NRAP: variants seen among roughly 807,000 people sequenced by gnomAD.
The protein encoded by NRAP is nebulin related anchoring protein, also known as nebulin-related-anchoring protein.
Under a neutral mutation model 225.9 loss-of-function variants are expected in NRAP, and 189 were observed. That is an observed-to-expected ratio of 0.84 (90% CI 0.74 to 0.94). The LOEUF (loss-of-function observed/expected upper bound fraction) is 0.94, where lower values mean the gene tolerates loss of function less well. Among genes scored for constraint, NRAP ranks in the 40% least tolerant of loss-of-function variants. NRAP has a pLI of 0.00. For synonymous variants in NRAP, 769 were observed against 790.7 expected, an observed-to-expected ratio of 0.97 and a Z score of 0.46; for missense variants, 2,176 against 2,168.7, an observed-to-expected ratio of 1.00 and a Z score of -0.07.
rs747699713 is a variant in NRAP at position 113,629,757 on chromosome 10, C to T, written c.1871G>A (p.Ser624Asn). 6.2e-7 allele frequency: 1 copy of T among 1,613,762 alleles called. No homozygotes were observed. The highest frequency in any genetic ancestry group is 1.3e-5 in the African/African-American group (1 of 74,920). Reference protein sequence around the residue: ...EVEYKKGFEESKTRFHLPMDM... With the variant: ...EVEYKKGFEENKTRFHLPMDM... Reference sequence around the variant, plus strand: ...CATGGGCAGGTGAAACCGGGTCTTACTCTCTTCAAAGCCTTTCTTATATTC... The same window carrying T: ...CATGGGCAGGTGAAACCGGGTCTTATTCTCTTCAAAGCCTTTCTTATATTC... The change falls in exon 19 of 42, where the codon AGT (serine) becomes AAT (asparagine). Residue 624 changes from serine (S) to asparagine (N), a missense_variant. Around this residue, in one of 3 missense-constraint regions of NRAP, gnomAD observed 1,708 missense variants for 1,695.5 expected, o/e 1.01. Transcript: ENST00000359988.
chr10:113,653,715 T>C (rs1850130308), intron 5 of NRAP, among the ~76,000 whole-genome samples: 1 of 152,148 alleles, frequency 6.6e-6, no homozygotes, highest in Non-Finnish European at 1.5e-5. Context: ...GTCAGTACTT[T>C]AAAATGGGCC....
intron 25 of NRAP, among the ~76,000 whole-genome samples, chr10:113,618,117 G>A (rs1289355064): frequency 5.4e-5 from 8 of 148,046 alleles, no homozygotes; most frequent in African/African-American, 2.0e-4. Context: ...TTATTCAAAG[G>A]AGTCATCACA....
chr10:113,621,901 A>G lies in NRAP; in HGVS notation c.2737T>C (p.Trp913Arg), dbSNP rs146405624. Residue 913 changes from tryptophan to arginine, a missense_variant, in exon 24 of 42, where the codon TGG becomes CGG. Physicochemically the swap from Trp to Arg is moderately radical, Grantham distance 101. Coordinates refer to ENST00000359988, the MANE Select transcript of NRAP (RefSeq NM_198060.4). ...TGTAAGCCATAAGCCTTCTTGGCCC[A>G]TTCCACCTTCATGTCTGTGGGCAAA... The part of the protein sequence containing the change: ...TALPTDMKVE[W>R]AKKAYGLQSD... 5 of 1,613,300 alleles carry G rather than the reference A, an allele frequency of 3.1e-6. No individual in the cohort carries two copies. The African/African-American group carries it at 6.7e-5, about 22-fold the overall frequency.
At position 113,612,258 on chromosome 10, in the gene NRAP, C is replaced by G. The variant is rs1847376837; in HGVS notation, c.3474G>C (p.Lys1158Asn). The G allele has an allele frequency of 6.2e-7, 1 of 1,614,028 alleles. No individual in the cohort carries two copies. The highest frequency in any genetic ancestry group is 1.7e-5 in the Admixed American group (1 of 60,008). The stretch of plus-strand genomic sequence containing the variant: ...CCTCACTCTGCAATTTGTGAGCTTT[C>G]TTGGCACAGCTCAGCCTCAGGTCTT... ...LAEDLRLSCA[K>N]KAHKLQSENL... is the part of the protein sequence containing the mutation. Residue 1158 changes from lysine to asparagine, a missense_variant, in exon 30 of 42, where the codon AAG becomes AAC. This residue lies in a region of NRAP where 1,708 missense variants were observed against 1,695.5 expected (regional missense o/e 1.01). Coordinates refer to ENST00000359988, the MANE Select transcript of NRAP (RefSeq NM_198060.4).
At chr10:113,639,919 G>A (rs916192559) in intron 14 of NRAP, among the ~76,000 whole-genome samples, 1 of 152,056 alleles carries the variant, frequency 6.6e-6, no homozygotes. Context: ...TCCTTGCTAA[G>A]GAACAAGCAT....
intron 12 of NRAP, among the ~76,000 whole-genome samples, chr10:113,642,399 A>G (rs562424758): frequency 1.3e-5 from 2 of 152,266 alleles, no homozygotes; most frequent in South Asian, 4.2e-4. Flanking sequence ...ATGTGCAACT[A>G]AGCAAAAGTA....
intron 14 of NRAP, among the ~76,000 whole-genome samples, chr10:113,635,278 G>T (rs1025538586): frequency 3.3e-5 from 5 of 152,206 alleles, no homozygotes; most frequent in African/African-American, 1.2e-4. Context: ...TAAAGGAACA[G>T]GTTTGAGGCT....
intron 26 of NRAP, among the ~76,000 whole-genome samples, chr10:113,616,839 A>G (rs1847692114): frequency 6.6e-6 from 1 of 152,162 alleles, no homozygotes; most frequent in Admixed American, 6.5e-5. Flanking sequence ...GGGTTAATCT[A>G]CATCACAAAG....
chr10:113,596,361 C>A (rs771959744), intron 37 of NRAP, among the ~76,000 whole-genome samples: 13 of 152,122 alleles, frequency 8.5e-5, no homozygotes, highest in African/African-American at 3.1e-4. Flanking sequence ...TGTAATATTC[C>A]GATCAATTCC....
At chr10:113,619,633 A>C (rs912943345) in intron 25 of NRAP, among the ~76,000 whole-genome samples, 6 of 152,060 alleles carry the variant, frequency 3.9e-5, no homozygotes, top group South Asian at 2.1e-4. Context: ...AAAAAAAAAA[A>C]AATCCAGGAG....
chr10:113,595,635 C>T lies in NRAP; in HGVS notation c.4524G>A (p.Leu1508=), dbSNP rs775957197. The T allele has an allele frequency of 6.2e-7, 1 of 1,608,326 alleles. No homozygotes were observed. Among genetic ancestry groups the T allele is most frequent in the East Asian group, 2.2e-5 (1 of 44,862 alleles). ...CCAGTTCACTTACGTCACTCAGATG[C>T]AGCGCATTGAGGCGAGCTCGGGTGA... ...PDFTRARLNA[L]HLSDKVYRNS... The change falls in exon 38 of 42, where the codon CTG becomes CTA. Residue 1508 remains leucine (L), a synonymous_variant. Transcript: ENST00000359988.
chr10:113,610,346 T>G, intron 31 of NRAP, 113 bp downstream of exon 31: 2 of 563,682 alleles, frequency 3.5e-6, no homozygotes. Flanking sequence ...CGAGACTCCA[T>G]CTCAAATTAA....
intron 36 of NRAP, 122 bp from the exon 37 acceptor site, chr10:113,597,306 T>G (rs1846339452): frequency 4.4e-6 from 3 of 687,194 alleles, no homozygotes; most frequent in South Asian, 1.7e-5. Context: ...AAAACAAGCC[T>G]TTCTTCTTGG....
chr10:113,591,648 G>T (rs940752931), intron 39 of NRAP, among the ~76,000 whole-genome samples: 3 of 152,194 alleles, frequency 2.0e-5, no homozygotes, highest in Non-Finnish European at 4.4e-5. Context: ...GCCCTCTCTT[G>T]CAGAATACCT....
chr10:113,601,943 T>C (rs982680157), intron 35 of NRAP, among the ~76,000 whole-genome samples: 14 of 152,196 alleles, frequency 9.2e-5, no homozygotes, highest in Admixed American at 7.9e-4. Context: ...TGAAGTGCAG[T>C]AGCACAATCA....
In NRAP at chr10:113,628,949, G is replaced by C. The variant is rs1366776613; in HGVS notation, c.2113C>G (p.Gln705Glu). 6.2e-7 allele frequency: 1 copy of C among 1,612,392 alleles called. No homozygotes were observed. Residue 705 changes from glutamine to glutamate, a missense_variant, in exon 20 of 42, where the codon CAA becomes GAA. Gln to Glu is a conservative substitution (Grantham distance 29). Transcript: ENST00000359988. ...WLTEGSLNLE[Q>E]AKKAGQLVSE... ...ACCAGCTGTCCAGCCTTCTTGGCTT[G>C]TTCCAAGTTGAGACTCCCCTCTGTC... is the stretch of plus-strand genomic sequence containing the variant.
rs574405442 is a variant in NRAP, at chr10:113,648,837, C to T, written c.888+1200G>A. Among the ~76,000 whole-genome samples, 513 of 152,270 alleles carry T rather than the reference C, an allele frequency of 3.4e-3. 5 individuals carry two copies. The highest frequency in any genetic ancestry group is 4.9e-3 in the Non-Finnish European group (335 of 68,020). On this transcript the variant is annotated intron_variant, in intron 9 of 41. Transcript: ENST00000359988. Reference sequence around the variant, plus strand: ...TACTAATCAAGAACCAGCTATGATACTATGAAGTTACATTTCATCTGTACC... The same window carrying T: ...TACTAATCAAGAACCAGCTATGATATTATGAAGTTACATTTCATCTGTACC...
chr10:113,621,932 A>C lies in NRAP; in HGVS notation c.2706T>G (p.Phe902Leu). Residue 902 changes from phenylalanine to leucine, a missense_variant, in exon 24 of 42, where the codon TTT becomes TTG. Transcript: ENST00000359988. Reference protein sequence around the residue: ...DVGYKTAEHHFTALPTDMKVE... With the variant: ...DVGYKTAEHHLTALPTDMKVE... ...CCTTCATGTCTGTGGGCAAAGCCGT[A>C]AAGTGATGTTCCGCTGTCTTGTAGC... is the stretch of plus-strand genomic sequence containing the variant. 3 of 1,614,204 alleles carry C rather than the reference A, an allele frequency of 1.9e-6. No homozygotes were observed. The highest frequency in any genetic ancestry group is 2.5e-6 in the Non-Finnish European group (3 of 1,180,022).
intron 11 of NRAP, among the ~76,000 whole-genome samples, chr10:113,645,464 A>T (rs1050645665): frequency 6.6e-6 from 1 of 152,108 alleles, no homozygotes; most frequent in Non-Finnish European, 1.5e-5. Flanking sequence ...GTTGTCCAGG[A>T]TGGAGTGCAA....
Sources: gnomAD v4.1 joint callset for allele counts (sites outside exome capture counted in the v4.1 genomes callset) on GRCh38, gnomAD v4.1.1 for gene constraint, gnomAD v4.1.1 regional missense constraint, MANE v1.5 for transcripts, NCBI Gene and HGNC (gene_info 2026-07-23, HGNC 2026-07-21) for gene names.